The following TMEM156 variants were observed in gnomAD, a reference collection of about 807,000 sequenced individuals.
The protein encoded by TMEM156 is transmembrane protein 156.
In TMEM156, 28 loss-of-function variants were observed where a neutral mutation model predicts 30.5. That is an observed-to-expected ratio of 0.92 (90% CI 0.68 to 1.26). The LOEUF (loss-of-function observed/expected upper bound fraction) is 1.26. Ranked by LOEUF, TMEM156 falls within the 50% of genes most tolerant of loss-of-function variation. TMEM156 has a pLI of 0.00. For synonymous variants in TMEM156, 137 were observed against 119.9 expected, an observed-to-expected ratio of 1.14 and a Z score of -0.93; for missense variants, 351 against 340.6, an observed-to-expected ratio of 1.03 and a Z score of -0.24.
At position 39,025,210 on chromosome 4, in the gene TMEM156, G is replaced by T. The variant is rs2711972; in HGVS notation, c.88+7016C>A. 4.2e-4 allele frequency among the ~76,000 whole-genome samples: 63 copies of T among 151,666 alleles called. 1 individual carries two copies. The highest frequency in any genetic ancestry group is 1.4e-3 in the African/African-American group (58 of 41,340). On this transcript the variant is annotated intron_variant, in intron 1 of 6. Coordinates refer to ENST00000381938, the MANE Select transcript of TMEM156 (RefSeq NM_024943.3). ...CTAAAAATACAAAAATTAGCCAGGC[G>T]TGGTGGGGGCGCCTGTAATCCCAGC...
chr4:39,011,044 A>T (rs1714078285), intron 1 of TMEM156, among the ~76,000 whole-genome samples: 1 of 152,196 alleles, frequency 6.6e-6, no homozygotes, highest in South Asian at 2.1e-4. Flanking sequence ...CAAAATCTAT[A>T]AGGAACTGAA....
chr4:38,971,711 T>A (rs1722601938), intron 5 of TMEM156, among the ~76,000 whole-genome samples: 1 of 152,240 alleles, frequency 6.6e-6, no homozygotes, highest in Non-Finnish European at 1.5e-5. Context: ...CTAGCTTTTA[T>A]ATTGAGAATT....
chr4:39,009,003 A>G (rs1713929702), intron 1 of TMEM156, among the ~76,000 whole-genome samples: 1 of 152,116 alleles, frequency 6.6e-6, no homozygotes, highest in Admixed American at 6.6e-5. Flanking sequence ...AGATTAATAA[A>G]CTGCTACCTA....
chr4:39,022,335 T>C (rs756343591), intron 1 of TMEM156, among the ~76,000 whole-genome samples: 9 of 152,246 alleles, frequency 5.9e-5, no homozygotes, highest in Non-Finnish European at 1.0e-4. Flanking sequence ...TTATGGAGCA[T>C]ATCACTTTTT....
intron 1 of TMEM156, among the ~76,000 whole-genome samples, chr4:39,016,636 CT>C (rs1714504523): frequency 6.6e-6 from 1 of 152,076 alleles, no homozygotes; most frequent in Non-Finnish European, 1.5e-5. Flanking sequence ...ATTATAGTTT[CT>C]TCTCAACTAT....
rs1463025609 is a variant in TMEM156 at position 38,988,783 on chromosome 4, T to C, written c.739+68A>G. 5.0e-6 allele frequency: 8 copies of C among 1,591,988 alleles called. No individual in the cohort carries two copies. In the African/African-American group the frequency reaches 1.1e-4, roughly 22 times the overall value. ...TAGGTGCACAAGAAATGCTAAATTG[T>C]ACTAAAAAGGAAATGAAATCCATAG... On this transcript the variant is annotated intron_variant, in intron 4 of 6. Coordinates refer to ENST00000381938, the MANE Select transcript of TMEM156 (RefSeq NM_024943.3).
At chr4:39,032,084 A>G in intron 1 of TMEM156, 142 bp downstream of exon 1, 1 of 592,040 alleles carries the variant, frequency 1.7e-6, no homozygotes, top group Non-Finnish European at 3.0e-6. Context: ...CTAAAATTGC[A>G]ATCTTGTTTT....
chr4:39,031,720 C>T (rs1310525850), intron 1 of TMEM156, among the ~76,000 whole-genome samples: 1 of 151,616 alleles, frequency 6.6e-6, no homozygotes, highest in Admixed American at 6.6e-5. Context: ...CGTGTCTCTA[C>T]TAAAAATACA....
At position 38,994,363 on chromosome 4, in the gene TMEM156, G is replaced by A. The variant is rs542494845; in HGVS notation, c.359-365C>T. ...CTGGTCTCCAACTTTTGGACTCAAG[G>A]GATCCTCCCTCCTCAGACTCCTGAA... On this transcript the variant is annotated intron_variant, in intron 2 of 6. Coordinates refer to ENST00000381938, the MANE Select transcript of TMEM156 (RefSeq NM_024943.3). Among the ~76,000 whole-genome samples, 9 of 152,130 alleles carry A rather than the reference G, an allele frequency of 5.9e-5. No homozygotes were observed. The East Asian group carries it at 1.7e-3, about 29-fold the overall frequency.
chr4:39,010,578 T>A (rs1389395842), intron 1 of TMEM156, among the ~76,000 whole-genome samples: 1 of 151,972 alleles, frequency 6.6e-6, no homozygotes, highest in Non-Finnish European at 1.5e-5. Flanking sequence ...ACACATAGAC[T>A]AATGCAACAG....
At chr4:38,988,814 ATCAGGAGT>A (rs1449573870) in intron 4 of TMEM156, 29 bp downstream of exon 4, 1 of 1,612,696 alleles carries the variant, frequency 6.2e-7, no homozygotes, top group Non-Finnish European at 8.5e-7. Flanking sequence ...CATAGAAGAG[ATCAGGAGT>A]TCCTCGGCAC....
At chr4:39,020,377 A>T (rs774749573) in intron 1 of TMEM156, among the ~76,000 whole-genome samples, 3 of 152,016 alleles carry the variant, frequency 2.0e-5, no homozygotes, top group Non-Finnish European at 4.4e-5. Context: ...TATAACCAGG[A>T]GTGGGATTGC....
chr4:39,011,704 C>T lies in TMEM156; in HGVS notation c.89-12795G>A, dbSNP rs111337875. 3.7e-3 allele frequency among the ~76,000 whole-genome samples: 558 copies of T among 152,106 alleles called. 6 individuals are homozygous for T. Among genetic ancestry groups the T allele is most frequent in the African/African-American group, 0.013 (524 of 41,458 alleles). ...CAGAGAATTGCTTAAACCCGGGAGG[C>T]GGAGGTTGCAGTGAGCCGACATCAC... On this transcript the variant is annotated intron_variant, in intron 1 of 6. Transcript: ENST00000381938.
chr4:38,971,022 C>T lies in TMEM156; in HGVS notation c.*38+10G>A, dbSNP rs1414330444. 6.5e-7 allele frequency: 1 copy of T among 1,529,594 alleles called. No individual in the cohort carries two copies. Among genetic ancestry groups the T allele is most frequent in the Admixed American group, 1.7e-5 (1 of 58,472 alleles). 94.8% of individuals were successfully genotyped at this position (1,529,594 alleles called of 1,614,324 possible). A position where few individuals can be genotyped will look rare whatever the true frequency, so the allele number is the denominator to read the frequency against. On this transcript the variant is annotated intron_variant, in intron 6 of 6. Transcript: ENST00000381938. ...AATGAAGAAGTCGATAAAGCCGAAT[C>T]ATCACTCACCGTGTATATTGATCTC...
chr4:39,028,153 T>A (rs2915034), intron 1 of TMEM156, among the ~76,000 whole-genome samples: 31,306 of 152,004 alleles, frequency 0.21, 4,359 homozygotes, highest in African/African-American at 0.4. Flanking sequence ...CTCCCAAAGT[T>A]CTGGGATTAC....
At chr4:38,986,962 G>A (rs1199704417) in intron 4 of TMEM156, among the ~76,000 whole-genome samples, 1 of 149,818 alleles carries the variant, frequency 6.7e-6, no homozygotes, top group Non-Finnish European at 1.5e-5. Flanking sequence ...CATTTAATGT[G>A]CTAAGTAGTG....
intron 1 of TMEM156, among the ~76,000 whole-genome samples, chr4:39,010,830 T>C (rs1049860940): frequency 2.0e-5 from 3 of 152,074 alleles, no homozygotes; most frequent in Non-Finnish European, 4.4e-5. Flanking sequence ...ACCTAGGAAA[T>C]ACTTTTCTAG....
At position 39,006,804 on chromosome 4, in the gene TMEM156, G is replaced by A. The variant is rs187864717; in HGVS notation, c.89-7895C>T. ...TAATGATAATAATAATTAGCCAGGC[G>A]TGGTAGTGCGTGTCTGTGGTCCCAG... On this transcript the variant is annotated intron_variant, in intron 1 of 6. Transcript: ENST00000381938. Among the ~76,000 whole-genome samples the A allele has an allele frequency of 5.1e-4, 78 of 152,068 alleles. 2 individuals are homozygous for A. In the South Asian group the frequency reaches 8.3e-3, roughly 16 times the overall value.
chr4:39,009,341 C>G (rs1275832323), intron 1 of TMEM156, among the ~76,000 whole-genome samples: 3 of 152,106 alleles, frequency 2.0e-5, no homozygotes, highest in African/African-American at 7.2e-5. Flanking sequence ...GCTACCAATC[C>G]TACTGAAATA....
Sources: gnomAD v4.1 joint callset for allele counts (sites outside exome capture counted in the v4.1 genomes callset) on GRCh38, gnomAD v4.1.1 for gene constraint, MANE v1.5 for transcripts, NCBI Gene and HGNC (gene_info 2026-07-23, HGNC 2026-07-21) for gene names.